The following PXDNL variants were observed in gnomAD, a reference collection of about 807,000 sequenced individuals.
PXDNL encodes the protein peroxidasin like.
A neutral mutation model predicts 150.8 loss-of-function variants in PXDNL; 145 were observed. That is an observed-to-expected ratio of 0.96 (90% CI 0.84 to 1.10). PXDNL has a LOEUF of 1.10. Ranked by LOEUF, PXDNL falls within the 50% of genes least tolerant of loss-of-function variation. The probability of loss-of-function intolerance (pLI) is 0.00; values close to 1 mark genes in which losing one functional copy is unlikely to be tolerated. For missense variants in PXDNL, 2,087 were observed against 1,873.9 expected, an observed-to-expected ratio of 1.11 and a Z score of -2.10; for synonymous variants, 757 against 725.7, an observed-to-expected ratio of 1.04 and a Z score of -0.69.
intron 21 of PXDNL, among the ~76,000 whole-genome samples, chr8:51,336,576 C>T (rs1288242507): frequency 6.6e-6 from 1 of 152,182 alleles, no homozygotes; most frequent in Non-Finnish European, 1.5e-5. Context: ...TTTGGGTGCT[C>T]CCCACTCTAC....
chr8:51,475,123 G>T lies in PXDNL; in HGVS notation c.543C>A (p.Ala181=). The change falls in exon 7 of 23, where the codon GCC becomes GCA. Residue 181 remains alanine (A), a synonymous_variant. Transcript: ENST00000356297. ...ACATCAGATCACAGTCACAAACCAG[G>T]GCGTTGGAATCCAGACGCCTAGGCA... ...SLKRLRLDSN[A]LVCDCDLMWL... is the part of the protein sequence containing the mutation. 6.2e-7 allele frequency: 1 copy of T among 1,612,882 alleles called. No individual in the cohort carries two copies. The highest frequency in any genetic ancestry group is 8.5e-7 in the Non-Finnish European group (1 of 1,179,086).
At chr8:51,337,832 C>T (rs1253630554) in intron 21 of PXDNL, among the ~76,000 whole-genome samples, 1 of 151,102 alleles carries the variant, frequency 6.6e-6, no homozygotes, top group Admixed American at 6.6e-5. Context: ...GGGATTTCAC[C>T]ACTGCACTCC....
intron 19 of PXDNL, among the ~76,000 whole-genome samples, chr8:51,352,253 G>A (rs377718633): frequency 4.6e-5 from 7 of 152,040 alleles, no homozygotes; most frequent in African/African-American, 1.7e-4. Context: ...TTTACCAAAA[G>A]GAAAAGAAAT....
intron 7 of PXDNL, 146 bp from the exon 8 acceptor site, chr8:51,472,450 C>T (rs762178818): frequency 5.1e-6 from 3 of 586,658 alleles, no homozygotes; most frequent in Non-Finnish European, 9.0e-6. Context: ...AATACATGTA[C>T]CAGGTTAGAG....
chr8:51,644,554 G>A (rs1814873881), intron 2 of PXDNL, among the ~76,000 whole-genome samples: 1 of 150,608 alleles, frequency 6.6e-6, no homozygotes, highest in African/African-American at 2.4e-5. Context: ...CCACCTCCCA[G>A]GTTCACGCCA....
intron 2 of PXDNL, among the ~76,000 whole-genome samples, chr8:51,598,342 C>G (rs1288565132): frequency 6.6e-6 from 1 of 151,990 alleles, no homozygotes; most frequent in African/African-American, 2.4e-5. Flanking sequence ...CAATTTTTGC[C>G]TGTTCAGTAT....
In PXDNL at chr8:51,457,566, C is replaced by T; in HGVS notation, c.914G>A (p.Cys305Tyr). 6.2e-7 allele frequency: 1 copy of T among 1,613,810 alleles called. No homozygotes were observed. Among genetic ancestry groups the T allele is most frequent in the Non-Finnish European group, 8.5e-7 (1 of 1,179,794 alleles). ...TTCCCCAGCGGAATTTCTGGCCATGCACTGATAGACACCTTGGTCTGACTC... is the reference window on the plus strand; with the variant it reads ...TTCCCCAGCGGAATTTCTGGCCATGTACTGATAGACACCTTGGTCTGACTC... ...TRESDQGVYQCMARNSAGEAK... is the reference protein window; with the variant it reads ...TRESDQGVYQYMARNSAGEAK... The change falls in exon 9 of 23, where the codon TGC becomes TAC. Residue 305 changes from cysteine (C) to tyrosine (Y), a missense_variant. Coordinates refer to ENST00000356297, the MANE Select transcript of PXDNL (RefSeq NM_144651.5).
chr8:51,400,564 G>C (rs1231140159), intron 17 of PXDNL, among the ~76,000 whole-genome samples: 5 of 152,142 alleles, frequency 3.3e-5, no homozygotes, highest in Admixed American at 1.3e-4. Flanking sequence ...AGAGCTGCAC[G>C]CCTTCTAAGA....
intron 3 of PXDNL, among the ~76,000 whole-genome samples, chr8:51,590,340 G>A (rs1249788449): frequency 6.6e-6 from 1 of 152,024 alleles, no homozygotes; most frequent in African/African-American, 2.4e-5. Flanking sequence ...GCTCACTAGG[G>A]CAAAGCCTAG....
At chr8:51,388,493 G>A (rs753953992) in intron 17 of PXDNL, among the ~76,000 whole-genome samples, 46 of 152,016 alleles carry the variant, frequency 3.0e-4, no homozygotes, top group East Asian at 1.9e-4. Context: ...CCATAATCTC[G>A]CATATCTAGA....
intron 2 of PXDNL, among the ~76,000 whole-genome samples, chr8:51,642,217 GA>G (rs1814778540): frequency 7.1e-6 from 1 of 141,298 alleles, no homozygotes; most frequent in Non-Finnish European, 1.6e-5. Context: ...GGGGTGGAGG[GA>G]GGGGGGAGGG....
intron 4 of PXDNL, among the ~76,000 whole-genome samples, chr8:51,512,811 C>T (rs1198024919): frequency 1.3e-5 from 2 of 152,162 alleles, no homozygotes; most frequent in African/African-American, 2.4e-5. Flanking sequence ...TCCTCCCCAC[C>T]CTGCTTCCCT....
intron 5 of PXDNL, among the ~76,000 whole-genome samples, chr8:51,495,864 G>T (rs1444181124): frequency 6.6e-6 from 1 of 152,110 alleles, no homozygotes; most frequent in Non-Finnish European, 1.5e-5. Context: ...AGGAGGAGCT[G>T]GTACCATTCC....
chr8:51,456,031 C>T (rs1809930815), intron 9 of PXDNL, among the ~76,000 whole-genome samples: 2 of 152,202 alleles, frequency 1.3e-5, no homozygotes, highest in Admixed American at 1.3e-4. Flanking sequence ...TGCCACTACC[C>T]TATCCATGCC....
chr8:51,381,622 C>CTTTATTTA (rs143944182), intron 17 of PXDNL, among the ~76,000 whole-genome samples: 82 of 141,916 alleles, frequency 5.8e-4, no homozygotes, highest in African/African-American at 2.0e-3. Context: ...TGACTGGTGT[C>CTTTATTTA]TTTATTTATT....
At chr8:51,696,057 C>T (rs1816117064) in intron 1 of PXDNL, among the ~76,000 whole-genome samples, 1 of 152,176 alleles carries the variant, frequency 6.6e-6, no homozygotes, top group African/African-American at 2.4e-5. Context: ...AAATGTCATG[C>T]ATTTCATTTC....
intron 1 of PXDNL, among the ~76,000 whole-genome samples, chr8:51,713,948 G>A (rs952185229): frequency 1.3e-4 from 19 of 151,962 alleles, no homozygotes; most frequent in African/African-American, 3.9e-4. Context: ...ATTTATGTTT[G>A]CAAAATCCAT....
In PXDNL at chr8:51,632,747, T is replaced by C. The variant is rs78186605; in HGVS notation, c.236+21942A>G. Among the ~76,000 whole-genome samples, 511 of 152,322 alleles carry C rather than the reference T, an allele frequency of 3.4e-3. 5 individuals are homozygous for C. Among genetic ancestry groups the C allele is most frequent in the African/African-American group, 0.012 (489 of 41,580 alleles). On this transcript the variant is annotated intron_variant, in intron 2 of 22. Transcript: ENST00000356297. ...AGTCCAAAGTATTAATAAGCTTTAATAGATTGAAATAATACAAAATATCTT... is the reference window on the plus strand; with the variant it reads ...AGTCCAAAGTATTAATAAGCTTTAACAGATTGAAATAATACAAAATATCTT...
rs1365277994 is a variant in PXDNL at position 51,374,596 on chromosome 8, C to T, written c.3692+1G>A. 2 of 1,613,722 alleles carry T rather than the reference C, an allele frequency of 1.2e-6. No homozygotes were observed. Among genetic ancestry groups the T allele is most frequent in the Non-Finnish European group, 8.5e-7 (1 of 1,179,742 alleles). ...AATAAGTATAACAGATAATCATTCA[C>T]CTATCTCCATCTCTTAGCCGCTGAA... On this transcript the variant is annotated splice_donor_variant, in intron 18 of 22. Transcript: ENST00000356297. LOFTEE classifies it high-confidence loss of function.
Sources: allele counts gnomAD v4.1 joint callset (sites outside exome capture counted in the v4.1 genomes callset), GRCh38; gene constraint gnomAD v4.1.1; transcripts MANE v1.5; gene names NCBI Gene and HGNC (gene_info 2026-07-23, HGNC 2026-07-21).